Variants in RPGRIP1L observed in about 807,000 individuals in gnomAD.
RPGRIP1L encodes the protein RPGRIP1 like, also known as protein fantom.
In RPGRIP1L, 131 loss-of-function variants were observed where a neutral mutation model predicts 160.4. The observed-to-expected ratio is 0.82, with a 90% confidence interval of 0.71 to 0.94. The LOEUF is 0.94. Among genes scored for constraint, RPGRIP1L ranks in the 40% least tolerant of loss-of-function variants. RPGRIP1L has a pLI of 0.00. For missense variants in RPGRIP1L, 1,522 were observed against 1,535.8 expected (o/e 0.99, Z 0.15); for synonymous variants, 510 against 515.8 (o/e 0.99, Z 0.15).
At chr16:53,625,469 GGGGGCT>G (rs1465731073) in intron 22 of RPGRIP1L, among the ~76,000 whole-genome samples, 1 of 118,936 alleles carries the variant, frequency 8.4e-6, no homozygotes, top group Non-Finnish European at 1.7e-5. Flanking sequence ...CGCCCCATCT[GGGGGCT>G]GGGGGGGGCG....
intron 14 of RPGRIP1L, among the ~76,000 whole-genome samples, chr16:53,654,791 T>C (rs902915258): frequency 1.3e-5 from 2 of 152,130 alleles, no homozygotes; most frequent in Non-Finnish European, 2.9e-5. Flanking sequence ...GGAATGAAAA[T>C]CCCAAACACT....
Position 53,677,030 on chromosome 16 carries a change from T to C in RPGRIP1L, c.777-1908A>G, listed in dbSNP as rs148820246. Among the ~76,000 whole-genome samples, 186 of 152,292 alleles carry C rather than the reference T, an allele frequency of 1.2e-3. 2 individuals are homozygous for C. The highest frequency in any genetic ancestry group is 4.3e-3 in the African/African-American group (180 of 41,562). ...AATCTCTATAATCCATTCGGGCACA[T>C]AGGGTGATAGAAATAACAGTTTTTA... is the stretch of plus-strand genomic sequence containing the variant. On this transcript the variant is annotated intron_variant, in intron 6 of 26. Transcript: ENST00000647211.
chr16:53,692,199 T>C lies in RPGRIP1L; in HGVS notation c.396A>G (p.Arg132=), dbSNP rs1207390406. The C allele has an allele frequency of 6.2e-7, 1 of 1,614,148 alleles. No homozygotes were observed. Among genetic ancestry groups the C allele is most frequent in the Admixed American group, 1.7e-5 (1 of 60,024 alleles). Residue 132 remains arginine (R), a synonymous_variant, in exon 4 of 27, where the codon AGA becomes AGG. Coordinates refer to ENST00000647211, the MANE Select transcript of RPGRIP1L (RefSeq NM_015272.5). Reference sequence around the variant, plus strand: ...GAAGTTGCTGTTTGGCTGAAATCAGTCTGTTTTTGAGGGTTTCATTTTGTT... The same window carrying C: ...GAAGTTGCTGTTTGGCTGAAATCAGCCTGTTTTTGAGGGTTTCATTTTGTT... ...LEKQNETLKN[R]LISAKQQLQT... is the part of the protein sequence containing the mutation.
intron 10 of RPGRIP1L, among the ~76,000 whole-genome samples, chr16:53,662,609 A>C (rs1472156292): frequency 6.6e-6 from 1 of 152,050 alleles, no homozygotes; most frequent in Non-Finnish European, 1.5e-5. Flanking sequence ...ATATTAAAAG[A>C]TTTTCTTAAA....
chr16:53,663,879 A>T (rs1417647555), intron 10 of RPGRIP1L, among the ~76,000 whole-genome samples: 2 of 152,210 alleles, frequency 1.3e-5, no homozygotes, highest in East Asian at 3.8e-4. Flanking sequence ...TATAAGATGC[A>T]ACTCAATATT....
intron 10 of RPGRIP1L, 82 bp from the exon 11 acceptor site, chr16:53,658,960 T>G: frequency 1.1e-6 from 1 of 911,258 alleles, no homozygotes; most frequent in Non-Finnish European, 1.8e-6. Context: ...TAATTCCTGT[T>G]CCACACCAGT....
At chr16:53,661,332 T>C (rs538492489) in intron 10 of RPGRIP1L, among the ~76,000 whole-genome samples, 14 of 150,740 alleles carry the variant, frequency 9.3e-5, no homozygotes, top group Admixed American at 2.0e-4. Context: ...ATGTGAACAA[T>C]ACTTAAAAAT....
intron 24 of RPGRIP1L, among the ~76,000 whole-genome samples, chr16:53,615,472 A>ATTTTTTT (rs1166401715): frequency 2.0e-4 from 15 of 75,078 alleles, no homozygotes; most frequent in African/African-American, 7.4e-4. Flanking sequence ...ATATATATAT[A>ATTTTTTT]TTTTTTTTTT....
At chr16:53,642,743 C>G (rs1456105880) in intron 17 of RPGRIP1L, among the ~76,000 whole-genome samples, 4 of 152,172 alleles carry the variant, frequency 2.6e-5, no homozygotes, top group Non-Finnish European at 1.5e-5. Context: ...CCCCCACTCC[C>G]ATTTTGGAGA....
chr16:53,660,557 A>T, intron 10 of RPGRIP1L, among the ~76,000 whole-genome samples: 1 of 150,598 alleles, frequency 6.6e-6, no homozygotes, highest in East Asian at 2.2e-4. Flanking sequence ...GTAAAAAAAT[A>T]AAAAAATAAA....
At chr16:53,611,515 T>C (rs1319038150) in intron 24 of RPGRIP1L, among the ~76,000 whole-genome samples, 1 of 152,194 alleles carries the variant, frequency 6.6e-6, no homozygotes, top group African/African-American at 2.4e-5. Flanking sequence ...AGGCATCTAG[T>C]GTATTGGGTT....
chr16:53,624,330 A>G (rs1225093972), intron 22 of RPGRIP1L, among the ~76,000 whole-genome samples: 4 of 152,226 alleles, frequency 2.6e-5, no homozygotes, highest in Non-Finnish European at 5.9e-5. Flanking sequence ...AGGCAGGCAG[A>G]TCATGAGGTC....
chr16:53,634,099 G>A (rs1965685883), intron 22 of RPGRIP1L, among the ~76,000 whole-genome samples: 1 of 152,188 alleles, frequency 6.6e-6, no homozygotes, highest in Admixed American at 6.5e-5. Context: ...GCTGCTCTCT[G>A]TTTCCAAGAT....
chr16:53,657,384 A>G (rs1967351629), intron 13 of RPGRIP1L, 69 bp downstream of exon 13: 1 of 1,036,618 alleles, frequency 9.6e-7, no homozygotes, highest in East Asian at 2.5e-5. Context: ...GATAACATAC[A>G]GTATTTAGAA....
chr16:53,653,949 T>C (rs1027998794), intron 14 of RPGRIP1L, among the ~76,000 whole-genome samples: 1 of 152,196 alleles, frequency 6.6e-6, no homozygotes, highest in African/African-American at 2.4e-5. Context: ...CAAAACAGAA[T>C]GTATCATACT....
At chr16:53,655,453 C>T (rs556048534) in intron 14 of RPGRIP1L, 4 of 151,948 alleles carry the variant, frequency 2.6e-5, no homozygotes, top group Non-Finnish European at 5.9e-5. Flanking sequence ...CTGGCATAGA[C>T]CACTGAAGTA....
intron 25 of RPGRIP1L, among the ~76,000 whole-genome samples, chr16:53,607,249 C>T (rs1346187176): frequency 6.6e-6 from 1 of 152,172 alleles, no homozygotes; most frequent in Non-Finnish European, 1.5e-5. Flanking sequence ...TGAACAGTTG[C>T]CTGGAACACA....
chr16:53,640,361 TCTAGA>T (rs958383291), intron 19 of RPGRIP1L, among the ~76,000 whole-genome samples: 46 of 152,278 alleles, frequency 3.0e-4, no homozygotes, highest in African/African-American at 9.1e-4. Context: ...AGCAGTGAGG[TCTAGA>T]CTAAAGATTA....
chr16:53,657,754 A>C, intron 12 of RPGRIP1L, 122 bp from the exon 13 acceptor site: 3 of 640,152 alleles, frequency 4.7e-6, no homozygotes, highest in Non-Finnish European at 8.0e-6. Flanking sequence ...CATTAATTGA[A>C]AACAGACAAA....
Sources: gnomAD v4.1 joint callset for allele counts (sites outside exome capture counted in the v4.1 genomes callset) on GRCh38, gnomAD v4.1.1 for gene constraint, MANE v1.5 for transcripts, NCBI Gene and HGNC (gene_info 2026-07-23, HGNC 2026-07-21) for gene names.